Variants in RAD18 observed in about 807,000 individuals in gnomAD.
The protein encoded by RAD18 is RAD18 E3 ubiquitin protein ligase.
A neutral mutation model predicts 60.4 loss-of-function variants in RAD18; 47 were observed. That is an observed-to-expected ratio of 0.78 (90% CI 0.62 to 0.99). The LOEUF (loss-of-function observed/expected upper bound fraction) is 0.99. RAD18 is among the 50% of genes least tolerant of loss of function. The pLI is 0.00. For synonymous variants in RAD18, 225 were observed against 195.5 expected (o/e 1.15, Z -1.26); for missense variants, 640 against 593.3 (o/e 1.08, Z -0.82).
chr3:8,951,242 G>A (rs555061133), intron 2 of RAD18, among the ~76,000 whole-genome samples: 1 of 152,152 alleles, frequency 6.6e-6, no homozygotes, highest in Non-Finnish European at 1.5e-5. Context: ...CAAAGATAAC[G>A]AAAAAATATT....
intron 2 of RAD18, among the ~76,000 whole-genome samples, chr3:8,951,023 G>A (rs1340241015): frequency 6.6e-6 from 1 of 152,090 alleles, no homozygotes; most frequent in Non-Finnish European, 1.5e-5. Flanking sequence ...ACTGCAGGAT[G>A]ACTACAAAAG....
At chr3:8,912,805 G>T in intron 8 of RAD18, among the ~76,000 whole-genome samples, 1 of 152,132 alleles carries the variant, frequency 6.6e-6, no homozygotes, top group South Asian at 2.1e-4. Context: ...TATAGAAAAT[G>T]CAATAATACA....
At chr3:8,898,533 C>T (rs76966142) in intron 11 of RAD18, among the ~76,000 whole-genome samples, 1 of 152,092 alleles carries the variant, frequency 6.6e-6, no homozygotes, top group East Asian at 1.9e-4. Context: ...TTTCTTAACC[C>T]TCCTATGCGC....
intron 7 of RAD18, among the ~76,000 whole-genome samples, chr3:8,922,187 G>A (rs924357918): frequency 1.3e-5 from 2 of 152,216 alleles, no homozygotes; most frequent in African/African-American, 4.8e-5. Context: ...CCCTTTCCTA[G>A]CCAAGGAAAG....
intron 1 of RAD18, among the ~76,000 whole-genome samples, chr3:8,962,061 T>C (rs755899650): frequency 1.5e-4 from 23 of 152,354 alleles, no homozygotes; most frequent in African/African-American, 4.8e-4. Context: ...CAAATAATAT[T>C]TGAGCACCCA....
intron 9 of RAD18, among the ~76,000 whole-genome samples, chr3:8,907,169 T>G (rs995929668): frequency 9.2e-5 from 14 of 152,256 alleles, no homozygotes; most frequent in African/African-American, 2.9e-4. Context: ...TTGCCCATAC[T>G]ACAGCCAGGA....
intron 11 of RAD18, among the ~76,000 whole-genome samples, chr3:8,892,086 C>A (rs1337685131): frequency 6.6e-6 from 1 of 152,114 alleles, no homozygotes; most frequent in Non-Finnish European, 1.5e-5. Flanking sequence ...TCAAAAATTC[C>A]TTTAACATTC....
At chr3:8,881,553 T>A (rs1252341646) in intron 12 of RAD18, 94 bp from the exon 13 acceptor site, 3 of 953,800 alleles carry the variant, frequency 3.1e-6, no homozygotes, top group Non-Finnish European at 4.9e-6. Context: ...ATTATTTCAT[T>A]AAAACCTCGA....
intron 11 of RAD18, among the ~76,000 whole-genome samples, chr3:8,894,861 A>G (rs610544): frequency 0.55 from 82,715 of 149,774 alleles, 26,244 homozygotes; most frequent in Middle Eastern, 0.71. Flanking sequence ...CCCACGTTCA[A>G]GCAATTCTGC....
rs931096905 is a variant in RAD18 at position 8,881,167 on chromosome 3, A to G, written c.*190T>C. On this transcript the variant is annotated 3_prime_UTR_variant, in exon 13 of 13. Transcript: ENST00000264926. ...GAGAGATGTTTTAGAGGCAGGAGGC[A>G]ACTGACCAAGTAAGGATATTTTGTA... 8 of 541,474 alleles carry G rather than the reference A, an allele frequency of 1.5e-5. No homozygotes were observed. The highest frequency in any genetic ancestry group is 2.3e-5 in the Non-Finnish European group (7 of 309,324). 33.5% of individuals were successfully genotyped at this position (541,474 alleles called of 1,614,324 possible).
chr3:8,924,441 A>T (rs1265667058), intron 7 of RAD18, among the ~76,000 whole-genome samples: 8 of 144,422 alleles, frequency 5.5e-5, no homozygotes, highest in African/African-American at 2.1e-4. Context: ...AAAGAGACTT[A>T]GACTCCCACA....
At chr3:8,922,143 G>A (rs975766838) in intron 7 of RAD18, among the ~76,000 whole-genome samples, 6 of 152,226 alleles carry the variant, frequency 3.9e-5, no homozygotes, top group Admixed American at 2.0e-4. Flanking sequence ...GCGAGGCATC[G>A]CCTCACCGGG....
rs1285569730 is a variant in RAD18 at position 8,919,583 on chromosome 3, TGTATGTATATATGTATCCACGTGTGC to T, written c.890-5889_890-5864del. 2.6e-5 allele frequency among the ~76,000 whole-genome samples: 4 copies of T among 152,374 alleles called. No individual in the cohort carries two copies. The East Asian group carries it at 7.7e-4, about 29-fold the overall frequency. ...ATGTATATATATGCATACATGCATG[TGTATGTATATATGTATCCACGTGTGC>T]GTATGTATATATATGCACATATATG... On this transcript the variant is annotated intron_variant, in intron 7 of 12. Coordinates refer to ENST00000264926, the MANE Select transcript of RAD18 (RefSeq NM_020165.4).
chr3:8,936,103 C>T (rs775196820), intron 6 of RAD18, 48 bp from the exon 7 acceptor site: 5 of 1,385,172 alleles, frequency 3.6e-6, no homozygotes, highest in East Asian at 5.1e-5. Flanking sequence ...TTATCAAATG[C>T]TTTTCATGTA....
chr3:8,948,925 TAATA>T (rs1375991048), intron 2 of RAD18, among the ~76,000 whole-genome samples: 1 of 152,160 alleles, frequency 6.6e-6, no homozygotes, highest in Non-Finnish European at 1.5e-5. Context: ...AATTTTGAAA[TAATA>T]TATATACACA....
chr3:8,907,783 C>T (rs1940038357), intron 9 of RAD18, among the ~76,000 whole-genome samples: 1 of 75,532 alleles, frequency 1.3e-5, no homozygotes, highest in Non-Finnish European at 3.2e-5. Flanking sequence ...ACATACACTA[C>T]CCACTATCGG....
intron 11 of RAD18, 62 bp from the exon 12 acceptor site, chr3:8,890,513 TA>T: frequency 7.8e-7 from 1 of 1,281,858 alleles, no homozygotes; most frequent in Non-Finnish European, 1.1e-6. Flanking sequence ...CCCATTTATA[TA>T]AAATTCTAGA....
At chr3:8,902,263 T>C (rs2125051073) in intron 10 of RAD18, 117 bp downstream of exon 10, 1 of 989,734 alleles carries the variant, frequency 1.0e-6, no homozygotes, top group East Asian at 3.1e-5. Context: ...CTAAAAATAC[T>C]TTTTCTCATT....
rs979887444 is a variant in RAD18, at chr3:8,925,511, A to C, written c.889+10360T>G. ...GGAGGAGCTGGTACCATTCCTTCTG[A>C]AACTATTCCAATCAATAGAAAAAAA... On this transcript the variant is annotated intron_variant, in intron 7 of 12. Coordinates refer to ENST00000264926, the MANE Select transcript of RAD18 (RefSeq NM_020165.4). Among the ~76,000 whole-genome samples, 21 of 152,364 alleles carry C rather than the reference A, an allele frequency of 1.4e-4. 1 individual carries two copies. Among genetic ancestry groups the C allele is most frequent in the Admixed American group, 1.3e-3 (20 of 15,302 alleles).
Sources: allele counts gnomAD v4.1 joint callset (sites outside exome capture counted in the v4.1 genomes callset), GRCh38; gene constraint gnomAD v4.1.1; transcripts MANE v1.5; gene names NCBI Gene and HGNC (gene_info 2026-07-23, HGNC 2026-07-21).